GSTM3: variants seen among roughly 807,000 people sequenced by gnomAD.
GSTM3 encodes glutathione S-transferase mu 3, also known as GST class-mu 3.
GSTM3 carries 34 observed loss-of-function variants against 36.1 expected under a neutral mutation model. The ratio of observed to expected loss-of-function variants is 0.94; its 90% CI spans 0.72 to 1.25. GSTM3 has a LOEUF of 1.25. GSTM3 is among the 50% of genes most tolerant of loss of function. GSTM3 has a pLI of 0.00. For missense variants in GSTM3, 266 were observed against 281.6 expected (o/e 0.94, Z 0.40); for synonymous variants, 102 against 99.5 (o/e 1.03, Z -0.15).
Position 109,740,372 on chromosome 1 carries a change from G to T in GSTM3, c.-85C>A. ...CCCGACATAAGGGGGCGGGGCCCACGCGCGGGCGCCCTGACTCCGCCTCCG... is the reference window on the plus strand; with the variant it reads ...CCCGACATAAGGGGGCGGGGCCCACTCGCGGGCGCCCTGACTCCGCCTCCG... On this transcript the variant is annotated 5_prime_UTR_variant, in exon 2 of 9. Transcript: ENST00000361066. 7.8e-7 allele frequency: 1 copy of T among 1,278,980 alleles called. No homozygotes were observed. The highest frequency in any genetic ancestry group is 1.1e-6 in the Non-Finnish European group (1 of 904,834). The allele number at this position is 1,278,980 out of a possible 1,614,324, so 79.2% of individuals were successfully genotyped here.
Position 109,736,041 on chromosome 1 carries a change from G to A in GSTM3, c.*1030C>T, listed in dbSNP as rs1306457097. ...GCTATACTAATTTACAACTTGACCA[G>A]CAGGAAATGCATATCACTTTCCTAA... is the stretch of plus-strand genomic sequence containing the variant. On this transcript the variant is annotated 3_prime_UTR_variant, in exon 9 of 9. Transcript: ENST00000361066. 1 of 152,168 alleles carries A rather than the reference G, an allele frequency of 6.6e-6. No homozygotes were observed. The highest frequency in any genetic ancestry group is 1.5e-5 in the Non-Finnish European group (1 of 68,038). 9.4% of individuals were successfully genotyped at this position (152,168 alleles called of 1,614,324 possible). A position where few individuals can be genotyped will look rare whatever the true frequency, so the allele number is the denominator to read the frequency against.
chr1:109,739,902 G>A lies in GSTM3; in HGVS notation c.55C>T (p.His19Tyr), dbSNP rs773569437. The A allele has an allele frequency of 6.4e-7, 1 of 1,553,834 alleles. No individual in the cohort carries two copies. The highest frequency in any genetic ancestry group is 8.7e-7 in the Non-Finnish European group (1 of 1,147,620). The change falls in exon 3 of 9, where the codon CAC becomes TAC. Residue 19 changes from histidine (H) to tyrosine (Y), a missense_variant. Coordinates refer to ENST00000361066, the MANE Select transcript of GSTM3 (RefSeq NM_000849.5). ...AACTCCAGGAGCAGGCGGATGGCGTGCGCCAGCTGGGGAAGACAGCGGTTC... is the reference window on the plus strand; with the variant it reads ...AACTCCAGGAGCAGGCGGATGGCGTACGCCAGCTGGGGAAGACAGCGGTTC... ...LGYWDIRGLA[H>Y]AIRLLLEFTD...
In GSTM3 at chr1:109,736,623, A is replaced by G. The variant is rs1254583559; in HGVS notation, c.*448T>C. On this transcript the variant is annotated 3_prime_UTR_variant, in exon 9 of 9. Coordinates refer to ENST00000361066, the MANE Select transcript of GSTM3 (RefSeq NM_000849.5). ...AGCAATTGTCCCAACTCTATTGGCT[A>G]GCCCACCAGTCTGAAATACTGCCTT... The G allele has an allele frequency of 6.5e-6, 1 of 153,486 alleles. No homozygotes were observed. The highest frequency in any genetic ancestry group is 1.9e-4 in the East Asian group (1 of 5,214). 9.5% of individuals were successfully genotyped at this position (153,486 alleles called of 1,614,324 possible). A position where few individuals can be genotyped will look rare whatever the true frequency, so the allele number is the denominator to read the frequency against.
rs778809423 is a variant in GSTM3 at position 109,739,451 on chromosome 1, T to C, written c.167A>G (p.Lys56Arg). ...TACATTAGGAAAGTCCAGGTCTAGC[T>C]TGAATTTCACATCCAGCCATTGGCT... ...DRSQWLDVKF[K>R]LDLDFPNLPY... The change falls in exon 4 of 9, where the codon AAG becomes AGG. Residue 56 changes from lysine to arginine, a missense_variant. By Grantham distance (26) the Lys-to-Arg change is conservative. Coordinates refer to ENST00000361066, the MANE Select transcript of GSTM3 (RefSeq NM_000849.5). 2.5e-6 allele frequency: 4 copies of C among 1,612,704 alleles called. No individual in the cohort carries two copies. Among genetic ancestry groups the C allele is most frequent in the East Asian group, 2.2e-5 (1 of 44,884 alleles).
chr1:109,737,414 GC>G (rs1649233847), intron 8 of GSTM3, 42 bp downstream of exon 8: 1 of 1,216,106 alleles, frequency 8.2e-7, no homozygotes, highest in Non-Finnish European at 1.2e-6. Context: ...TCCCAGGGGA[GC>G]CTGTGAGTGT....
At chr1:109,739,980 G>A (rs1195620320) in intron 2 of GSTM3, 72 bp from the exon 3 acceptor site, 36 of 1,265,636 alleles carry the variant, frequency 2.8e-5, no homozygotes, top group Non-Finnish European at 3.6e-5. Flanking sequence ...AACGTTCCCC[G>A]GCCCGGGGCT....
At position 109,739,482 on chromosome 1, in the gene GSTM3, CAT is replaced by C. The variant is rs1309906191; in HGVS notation, c.134_135del (p.Tyr45Ter). 7 of 1,612,492 alleles carry C rather than the reference CAT, an allele frequency of 4.3e-6. No individual in the cohort carries two copies. The highest frequency in any genetic ancestry group is 5.1e-6 in the Non-Finnish European group (6 of 1,178,712). On this transcript the variant is annotated frameshift_variant, in exon 4 of 9. Coordinates refer to ENST00000361066, the MANE Select transcript of GSTM3 (RefSeq NM_000849.5). LOFTEE classifies it high-confidence loss of function. ...KRYTCGEAPD[Y>X]DRSQWLDVKF... ...TTCACATCCAGCCATTGGCTTCGAT[CAT>C]AGTCAGGAGCTGTAAGAGACGGAAT...
rs1350443538 is a variant in GSTM3, at chr1:109,740,445, G to A, written c.-158C>T. 3 of 649,366 alleles carry A rather than the reference G, an allele frequency of 4.6e-6. No homozygotes were observed. The highest frequency in any genetic ancestry group is 7.9e-6 in the Non-Finnish European group (3 of 379,968). The allele number at this position is 649,366 out of a possible 1,614,324, so 40.2% of individuals were successfully genotyped here. ...CCGCGGCTCCACAGGGCCGTGCGCA[G>A]GCGCGACTAATGCCGGCGTTGGGGT... On this transcript the variant is annotated 5_prime_UTR_variant, in exon 2 of 9. Transcript: ENST00000361066.
Position 109,737,528 on chromosome 1 carries a change from G to A in GSTM3, c.508C>T (p.Gln170Ter), listed in dbSNP as rs1649237700. ...CACTTGGGGTCAAATATACGGTTCT[G>A]ATCCAAGATATCATAGGTGAGAAAA... ...VDFLTYDILDQNRIFDPKCLD... is the reference protein window; with the variant it reads ...VDFLTYDILD Residue 170 changes from glutamine to a stop codon, truncating the protein, a stop_gained, in exon 8 of 9, where the codon CAG becomes TAG. Coordinates refer to ENST00000361066, the MANE Select transcript of GSTM3 (RefSeq NM_000849.5). LOFTEE classifies it high-confidence loss of function. 6.2e-7 allele frequency: 1 copy of A among 1,613,402 alleles called. No individual in the cohort carries two copies. Among genetic ancestry groups the A allele is most frequent in the Non-Finnish European group, 8.5e-7 (1 of 1,179,558 alleles).
At chr1:109,740,058 C>T in intron 2 of GSTM3, 150 bp from the exon 3 acceptor site, 1 of 869,526 alleles carries the variant, frequency 1.2e-6, no homozygotes, top group Non-Finnish European at 1.8e-6. Context: ...GCGTGGTCTC[C>T]TCCGCCCCTC....
chr1:109,738,599 T>TC (rs576773687), intron 4 of GSTM3, among the ~76,000 whole-genome samples: 41 of 152,306 alleles, frequency 2.7e-4, no homozygotes, highest in African/African-American at 9.4e-4. Flanking sequence ...GGACCTTTTC[T>TC]CAGAATAAAG....
chr1:109,737,116 G>C lies in GSTM3; in HGVS notation c.633C>G (p.Pro211=). The C allele has an allele frequency of 6.2e-7, 1 of 1,613,692 alleles. No individual in the cohort carries two copies. Among genetic ancestry groups the C allele is most frequent in the South Asian group, 1.1e-5 (1 of 91,064 alleles). The part of the protein sequence containing the change: ...YLQSDQFCKM[P]INNKMAQWGN... The stretch of plus-strand genomic sequence containing the variant: ...CCCACTGGGCCATCTTGTTGTTGAT[G>C]GGCATCTTGCAGAACTGATCAGACT... The change falls in exon 9 of 9, where the codon CCC becomes CCG. Residue 211 remains proline (P), a synonymous_variant. Coordinates refer to ENST00000361066, the MANE Select transcript of GSTM3 (RefSeq NM_000849.5).
At chr1:109,740,798 A>ATT (rs1649362290) in intron 1 of GSTM3, among the ~76,000 whole-genome samples, 155 bp downstream of exon 1, 1 of 152,020 alleles carries the variant, frequency 6.6e-6, no homozygotes, top group African/African-American at 2.4e-5. Flanking sequence ...TCAGTCAAGG[A>ATT]CCTCTGCAAC....
rs1182171086 is a variant in GSTM3, at chr1:109,735,045, G to GC, written c.*2025dup. ...TGAGCACATTCTCTTAGTTAGAAAA[G>GC]CAAGTCTTAGCCTTAACTTGGAAAT... is the stretch of plus-strand genomic sequence containing the variant. On this transcript the variant is annotated 3_prime_UTR_variant, in exon 9 of 9. Transcript: ENST00000361066. 1 of 152,252 alleles carries GC rather than the reference G, an allele frequency of 6.6e-6. No individual in the cohort carries two copies. The highest frequency in any genetic ancestry group is 1.5e-5 in the Non-Finnish European group (1 of 68,036). 9.4% of individuals were successfully genotyped at this position (152,252 alleles called of 1,614,324 possible).
At chr1:109,740,165 T>A (rs1649328100) in intron 2 of GSTM3, 75 bp downstream of exon 2, 1 of 1,331,892 alleles carries the variant, frequency 7.5e-7, no homozygotes, top group Non-Finnish European at 1.1e-6. Context: ...CTGCTGGAGA[T>A]CGCGGACCCA....
chr1:109,737,683 C>T lies in GSTM3; in HGVS notation c.441G>A (p.Gly147=), dbSNP rs1374901401. 2 of 1,610,480 alleles carry T rather than the reference C, an allele frequency of 1.2e-6. No homozygotes were observed. Among genetic ancestry groups the T allele is most frequent in the African/African-American group, 1.3e-5 (1 of 74,744 alleles). ...TTTCCCCGGCAAACCATGAGAATTT[C>T]CCCAGAAACATGGAGAATTGTTTCA... ...GQLKQFSMFL[G]KFSWFAGEKL... Residue 147 remains glycine (G), a synonymous_variant, in exon 7 of 9, where the codon GGG becomes GGA. Coordinates refer to ENST00000361066, the MANE Select transcript of GSTM3 (RefSeq NM_000849.5).
Position 109,740,154 on chromosome 1 carries a change from C to T in GSTM3, c.48+86G>A, listed in dbSNP as rs1649327790. ...GAAAAGGCTCCCGCGTAGAGCTGCT[C>T]CTGCTGGAGATCGCGGACCCAGAGA... On this transcript the variant is annotated intron_variant, in intron 2 of 8. Transcript: ENST00000361066. 4 of 1,231,970 alleles carry T rather than the reference C, an allele frequency of 3.2e-6. No individual in the cohort carries two copies. The Admixed American group carries it at 7.6e-5, about 23-fold the overall frequency. 76.3% of individuals were successfully genotyped at this position (1,231,970 alleles called of 1,614,324 possible).
chr1:109,737,008 C>T lies in GSTM3; in HGVS notation c.*63G>A. On this transcript the variant is annotated 3_prime_UTR_variant, in exon 9 of 9. Transcript: ENST00000361066. The stretch of plus-strand genomic sequence containing the variant: ...GTGCTATTCATTGAAAAGAGCAAAG[C>T]AAGAGCGCTGACCCCTTACGGACAG... The T allele has an allele frequency of 1.0e-6, 1 of 992,508 alleles. No homozygotes were observed. Among genetic ancestry groups the T allele is most frequent in the Non-Finnish European group, 1.6e-6 (1 of 623,156 alleles). The allele number at this position is 992,508 out of a possible 1,614,324, so 61.5% of individuals were successfully genotyped here. A position where few individuals can be genotyped will look rare whatever the true frequency, so the allele number is the denominator to read the frequency against.
In GSTM3 at chr1:109,737,884, G is replaced by A; in HGVS notation, c.373-133C>T. On this transcript the variant is annotated intron_variant, in intron 6 of 8. Coordinates refer to ENST00000361066, the MANE Select transcript of GSTM3 (RefSeq NM_000849.5). ...TGCCTTCACTTGAGGATGGCAGGGT[G>A]GGGAAAGAGGAGTTTAGAAAGAAGA... 5.7e-6 allele frequency: 4 copies of A among 702,516 alleles called. No individual in the cohort carries two copies. The South Asian group carries it at 7.2e-5, about 13-fold the overall frequency. The allele number at this position is 702,516 out of a possible 1,614,324, so 43.5% of individuals were successfully genotyped here.
Sources: allele counts gnomAD v4.1 joint callset (sites outside exome capture counted in the v4.1 genomes callset), GRCh38; gene constraint gnomAD v4.1.1; transcripts MANE v1.5; gene names NCBI Gene and HGNC (gene_info 2026-07-23, HGNC 2026-07-21).